Variants in TRPS1 observed in about 807,000 individuals in gnomAD.
TRPS1 encodes the protein zinc finger transcription factor Trps1.
Under a neutral mutation model 101.2 loss-of-function variants are expected in TRPS1, and 6 were observed. The observed-to-expected ratio is 0.06, with a 90% CI of 0.03 to 0.12. The LOEUF (loss-of-function observed/expected upper bound fraction) is 0.12. Among genes scored for constraint, TRPS1 ranks in the 10% least tolerant of loss-of-function variants. The pLI, the probability that TRPS1 is intolerant of heterozygous loss-of-function variation, is 1.00. For synonymous variants in TRPS1, 578 were observed against 589.8 expected (o/e 0.98, Z 0.29); for missense variants, 1,363 against 1,567.0 (o/e 0.87, Z 2.20).
rs567868075 is a variant in TRPS1 at position 115,516,180 on chromosome 8, A to G, written c.2700+70821T>C. Among the ~76,000 whole-genome samples the G allele has an allele frequency of 2.8e-3, 35 of 12,684 alleles. 1 individual carries two copies. In the South Asian group the frequency reaches 0.14, roughly 49 times the overall value. The allele number at this position is 12,684 out of a possible 152,430, so 8.3% of individuals were successfully genotyped here. The stretch of plus-strand genomic sequence containing the variant: ...TTTAAGACCAATTTTTAAGAAAATT[A>G]TCACCGTAGGTTTTAAAAGATATCT... On this transcript the variant is annotated intron_variant, in intron 5 of 6. Coordinates refer to ENST00000395715, the MANE Select transcript of TRPS1 (RefSeq NM_014112.5).
intron 5 of TRPS1, among the ~76,000 whole-genome samples, chr8:115,571,322 T>C (rs994464358): frequency 6.6e-6 from 1 of 152,226 alleles, no homozygotes; most frequent in African/African-American, 2.4e-5. Context: ...TGGCTGATTT[T>C]TTAAAAGACA....
At chr8:115,481,997 T>A (rs887338328) in intron 5 of TRPS1, among the ~76,000 whole-genome samples, 1 of 152,162 alleles carries the variant, frequency 6.6e-6, no homozygotes, top group Non-Finnish European at 1.5e-5. Flanking sequence ...GGCTTCCACC[T>A]GTCCCTTGCA....
At chr8:115,533,459 TC>T (rs66773069) in intron 5 of TRPS1, among the ~76,000 whole-genome samples, 7,880 of 128,512 alleles carry the variant, frequency 0.061, 1,464 homozygotes, top group African/African-American at 0.21. Context: ...TTTTTTTTTT[TC>T]CTGAAAAAAA....
chr8:115,533,444 T>TGTTTTGTTTTG (rs1554583388), intron 5 of TRPS1, among the ~76,000 whole-genome samples: 4 of 126,536 alleles, frequency 3.2e-5, no homozygotes, highest in African/African-American at 1.4e-4. Flanking sequence ...CTGTTTTTTT[T>TGTTTTGTTTTG]TTTTTTTTTT....
chr8:115,668,065 C>A (rs1291165274), intron 1 of TRPS1: 1 of 647,894 alleles, frequency 1.5e-6, no homozygotes, highest in Non-Finnish European at 2.6e-6. Context: ...GAGGGGGCAC[C>A]GGCCTGAAAC....
chr8:115,430,871 T>C (rs977370959), intron 5 of TRPS1, among the ~76,000 whole-genome samples: 2 of 151,964 alleles, frequency 1.3e-5, no homozygotes, highest in African/African-American at 4.8e-5. Flanking sequence ...TGTCAAGAAA[T>C]TCCATGAGTT....
intron 1 of TRPS1, among the ~76,000 whole-genome samples, chr8:115,631,745 A>G (rs1818650800): frequency 6.6e-6 from 1 of 152,132 alleles, no homozygotes; most frequent in African/African-American, 2.4e-5. Context: ...ATCTCTTGAT[A>G]TTAAATAGGC....
intron 3 of TRPS1, among the ~76,000 whole-genome samples, chr8:115,616,062 C>T (rs1340885222): frequency 6.6e-6 from 1 of 151,836 alleles, no homozygotes; most frequent in Admixed American, 6.5e-5. Context: ...ATGTCTTCTG[C>T]TTTTAGGACT....
At chr8:115,555,620 C>CA (rs1269565204) in intron 5 of TRPS1, among the ~76,000 whole-genome samples, 2 of 152,010 alleles carry the variant, frequency 1.3e-5, no homozygotes, top group Non-Finnish European at 2.9e-5. Context: ...GTCAGGTGGG[C>CA]AGAGCTCAGG....
chr8:115,607,687 TA>T (rs945501907), intron 3 of TRPS1, among the ~76,000 whole-genome samples: 9 of 151,708 alleles, frequency 5.9e-5, no homozygotes, highest in African/African-American at 1.4e-4. Context: ...AAAGCTAATA[TA>T]ATATTAGAAT....
intron 5 of TRPS1, among the ~76,000 whole-genome samples, chr8:115,432,288 T>C (rs1813339410): frequency 6.6e-6 from 1 of 151,830 alleles, no homozygotes; most frequent in South Asian, 2.1e-4. Flanking sequence ...GTGCAGTTAC[T>C]ACGTGCTTCA....
At chr8:115,542,440 T>A (rs1816475407) in intron 5 of TRPS1, among the ~76,000 whole-genome samples, 1 of 152,064 alleles carries the variant, frequency 6.6e-6, no homozygotes, top group South Asian at 2.1e-4. Flanking sequence ...TATACTAAGA[T>A]GATTTATTTA....
intron 5 of TRPS1, among the ~76,000 whole-genome samples, chr8:115,499,975 TTTCTTTTC>T (rs1279937418): frequency 1.4e-5 from 2 of 146,250 alleles, no homozygotes; most frequent in African/African-American, 5.4e-5. Flanking sequence ...TTTCTTTTCT[TTTCTTTTC>T]TTTTCTTTTC....
chr8:115,554,113 A>T (rs1354466628), intron 5 of TRPS1, among the ~76,000 whole-genome samples: 1 of 152,202 alleles, frequency 6.6e-6, no homozygotes, highest in East Asian at 1.9e-4. Flanking sequence ...CATTTCTACA[A>T]AAGTGTTTAT....
chr8:115,516,186 G>A (rs986690226), intron 5 of TRPS1, among the ~76,000 whole-genome samples: 4 of 134 alleles, frequency 0.03, no homozygotes, highest in Non-Finnish European at 0.039. Flanking sequence ...AATTATCACC[G>A]TAGGTTTTAA....
chr8:115,565,625 G>GA (rs1262934622), intron 5 of TRPS1, among the ~76,000 whole-genome samples: 31 of 148,156 alleles, frequency 2.1e-4, no homozygotes, highest in Admixed American at 5.4e-4. Context: ...ATTTTAAACA[G>GA]AAAAAAAAAG....
intron 6 of TRPS1, among the ~76,000 whole-genome samples, chr8:115,415,709 G>C (rs367657941): frequency 1.3e-5 from 2 of 152,316 alleles, no homozygotes; most frequent in East Asian, 3.9e-4. Flanking sequence ...GGCACAGATA[G>C]AAGGTGGCTT....
In TRPS1 at chr8:115,668,742, A is replaced by AG. The variant is rs1811998498; in HGVS notation, c.-320_-319insC. The AG allele has an allele frequency of 6.9e-6, 1 of 145,942 alleles. No individual in the cohort carries two copies. The allele number at this position is 145,942 out of a possible 1,614,324, so 9.0% of individuals were successfully genotyped here. On this transcript the variant is annotated 5_prime_UTR_variant, in exon 1 of 7. Coordinates refer to ENST00000395715, the MANE Select transcript of TRPS1 (RefSeq NM_014112.5). ...AAGAGAGAGAGAGAGAGAGAGAGAGAAAGAGAAAGGAAATAGAGCAAGGAT... is the reference window on the plus strand; with the variant it reads ...AAGAGAGAGAGAGAGAGAGAGAGAGAGAAGAGAAAGGAAATAGAGCAAGGAT...
At chr8:115,541,040 AT>A (rs1045107389) in intron 5 of TRPS1, among the ~76,000 whole-genome samples, 1 of 152,096 alleles carries the variant, frequency 6.6e-6, no homozygotes, top group Non-Finnish European at 1.5e-5. Context: ...CTTATATAAT[AT>A]TTAATTTATT....
Sources: gnomAD v4.1 joint callset for allele counts (sites outside exome capture counted in the v4.1 genomes callset) on GRCh38, gnomAD v4.1.1 for gene constraint, MANE v1.5 for transcripts, NCBI Gene and HGNC (gene_info 2026-07-23, HGNC 2026-07-21) for gene names.